Variants in SLC68A1 observed in about 807,000 individuals in gnomAD.
SLC68A1 encodes major facilitator superfamily domain containing 13A.
At chr10:102,467,436 G>A in the SLC68A1 span, among the ~76,000 whole-genome samples, 1 of 152,196 alleles carries the variant, frequency 6.6e-6, no homozygotes, top group Non-Finnish European at 1.5e-5. Flanking sequence ...GATTTCACAG[G>A]TACATGCATA....
the SLC68A1 span, chr10:102,470,727 A>G: frequency 1.9e-5 from 30 of 1,613,328 alleles, no homozygotes; most frequent in Admixed American, 3.8e-4. Context: ...CTGGGCTGGC[A>G]TGGGCCGCTG....
At chr10:102,463,927 G>A in the SLC68A1 span, among the ~76,000 whole-genome samples, 1 of 152,170 alleles carries the variant, frequency 6.6e-6, no homozygotes, top group Non-Finnish European at 1.5e-5. Context: ...GAATTTGATG[G>A]ATGGCAGACA....
At chr10:102,462,022 T>G in the SLC68A1 span, 1 of 150,700 alleles carries the variant, frequency 6.6e-6, no homozygotes. Context: ...TTGGGAGGGG[T>G]GGGTGGTCCT....
At chr10:102,469,335 T>A in the SLC68A1 span, 1 of 816,036 alleles carries the variant, frequency 1.2e-6, no homozygotes, top group Non-Finnish European at 2.0e-6. Flanking sequence ...TCACCAAGAC[T>A]CATCAAGAAA....
chr10:102,465,421 T>C, the SLC68A1 span, among the ~76,000 whole-genome samples: 1 of 151,868 alleles, frequency 6.6e-6, no homozygotes, highest in East Asian at 1.9e-4. Flanking sequence ...CGAGACTCTA[T>C]CTTTAAAAAA....
the SLC68A1 span, chr10:102,470,762 T>C: frequency 7.4e-6 from 12 of 1,613,908 alleles, no homozygotes; most frequent in African/African-American, 1.5e-4. Context: ...CCTGGCGTTC[T>C]GGGTGCCCTG....
At chr10:102,471,173 TTCGGTGCTGGG>T in the SLC68A1 span, 825,849 of 1,603,556 alleles carry the variant, frequency 0.52, 217,412 homozygotes, top group Middle Eastern at 0.59. Context: ...TAAGTCTGAT[TTCGGTGCTGGG>T]TCCCCGGCTG....
the SLC68A1 span, chr10:102,469,938 G>A: frequency 2.8e-5 from 45 of 1,590,172 alleles, no homozygotes; most frequent in South Asian, 3.8e-4. Flanking sequence ...GGGGGGAGGA[G>A]CCCTGGAGAG....
chr10:102,476,179 T>G, the SLC68A1 span: 1 of 982,148 alleles, frequency 1.0e-6, no homozygotes, highest in Non-Finnish European at 1.4e-6. Flanking sequence ...GCAATTATCC[T>G]GCCTCAGCCT....
the SLC68A1 span, chr10:102,471,349 G>T: frequency 1.2e-6 from 2 of 1,613,748 alleles, no homozygotes; most frequent in South Asian, 2.2e-5. Flanking sequence ...CCGGCAGCTG[G>T]CACGCCATCG....
chr10:102,472,899 G>C, the SLC68A1 span: 4 of 1,614,142 alleles, frequency 2.5e-6, no homozygotes, highest in Non-Finnish European at 2.5e-6. Context: ...TCTCTTCCTG[G>C]AGCATCTGTT....
At chr10:102,477,037 T>G in the SLC68A1 span, 1 of 985,536 alleles carries the variant, frequency 1.0e-6, no homozygotes, top group Non-Finnish European at 1.2e-6. Context: ...AGCCATTCTT[T>G]TTCCTCAAGT....
At chr10:102,470,023 G>T in the SLC68A1 span, 13 of 1,614,044 alleles carry the variant, frequency 8.1e-6, no homozygotes, top group Non-Finnish European at 1.1e-5. Flanking sequence ...CAGCCTCAAT[G>T]ACCCCCTCTT....
At chr10:102,473,900 C>T in the SLC68A1 span, 10 of 1,614,054 alleles carry the variant, frequency 6.2e-6, 1 homozygote, top group South Asian at 8.8e-5. Context: ...TGGTGCTGAA[C>T]CACCGCAAGC....
At chr10:102,472,720 G>A in the SLC68A1 span, 5 of 733,310 alleles carry the variant, frequency 6.8e-6, no homozygotes, top group South Asian at 5.7e-5. Context: ...AGGGACATGG[G>A]GAAAAAGGCC....
the SLC68A1 span, among the ~76,000 whole-genome samples, chr10:102,470,409 G>A: frequency 1.3e-5 from 2 of 152,196 alleles, no homozygotes; most frequent in Admixed American, 6.5e-5. Flanking sequence ...ACCTTGAGAA[G>A]TGGGCATCCC....
At chr10:102,469,884 G>A in the SLC68A1 span, 15 of 1,470,916 alleles carry the variant, frequency 1.0e-5, no homozygotes, top group Non-Finnish European at 1.4e-5. Flanking sequence ...AGGTTTGCAG[G>A]TAGGAAAGCT....
At chr10:102,463,114 G>A in the SLC68A1 span, among the ~76,000 whole-genome samples, 1 of 151,990 alleles carries the variant, frequency 6.6e-6, no homozygotes, top group Admixed American at 6.5e-5. Context: ...AGCAAGCTGA[G>A]GGAGCCTGGT....
At chr10:102,466,025 AT>A in the SLC68A1 span, 2 of 152,210 alleles carry the variant, frequency 1.3e-5, no homozygotes, top group South Asian at 4.2e-4. Context: ...ATCTTTTCAA[AT>A]TCCCTTACCT....
Sources: gnomAD v4.1 joint callset for allele counts (sites outside exome capture counted in the v4.1 genomes callset) on GRCh38, gnomAD v4.1.1 for gene constraint, MANE v1.5 for transcripts, NCBI Gene and HGNC (gene_info 2026-07-23, HGNC 2026-07-21) for gene names.